PALM: variants seen among roughly 807,000 people sequenced by gnomAD.
PALM encodes paralemmin-1.
PALM carries 18 observed loss-of-function variants against 30.7 expected under a neutral mutation model. The ratio of observed to expected loss-of-function variants is 0.59; its 90% CI spans 0.41 to 0.87. The LOEUF (loss-of-function observed/expected upper bound fraction) is 0.87, where lower values mean the gene tolerates loss of function less well. PALM is among the 40% of genes least tolerant of loss of function. The pLI is 0.00. For synonymous variants in PALM, 286 were observed against 242.8 expected, an observed-to-expected ratio of 1.18 and a Z score of -1.66; for missense variants, 529 against 555.4, an observed-to-expected ratio of 0.95 and a Z score of 0.48.
chr19:739,481 A>G (rs1375561558), intron 7 of PALM, among the ~76,000 whole-genome samples: 1 of 152,036 alleles, frequency 6.6e-6, no homozygotes, highest in East Asian at 1.9e-4. Context: ...GGAGTTTGAG[A>G]CCAGCCTGGG....
intron 3 of PALM, 144 bp downstream of exon 3, chr19:727,232 G>T: frequency 2.3e-6 from 1 of 433,354 alleles, no homozygotes; most frequent in East Asian, 3.7e-5. Context: ...CCCCGACCCT[G>T]ACCCCGACCC....
chr19:709,625 G>A lies in PALM; in HGVS notation c.5+474G>A, dbSNP rs2032004175. Reference sequence around the variant, plus strand: ...GGCGCCCTGGACGCGCGCGCGGGCCGGTGCCCCCCACCCCCGCCCTTCCCA... The same window carrying A: ...GGCGCCCTGGACGCGCGCGCGGGCCAGTGCCCCCCACCCCCGCCCTTCCCA... On this transcript the variant is annotated intron_variant, in intron 1 of 8. Transcript: ENST00000338448. The surrounding 1 kb of genome is among the most constrained non-coding windows in gnomAD (Gnocchi z 4.3). Among the ~76,000 whole-genome samples, 1 of 151,682 alleles carries A rather than the reference G, an allele frequency of 6.6e-6. No individual in the cohort carries two copies. Among genetic ancestry groups the A allele is most frequent in the African/African-American group, 2.4e-5 (1 of 41,314 alleles).
At chr19:716,241 C>T (rs2032250619) in intron 1 of PALM, among the ~76,000 whole-genome samples, 2 of 151,946 alleles carry the variant, frequency 1.3e-5, no homozygotes, top group African/African-American at 2.4e-5. Flanking sequence ...GTGAAACCCC[C>T]GTCTCTACCA....
intron 1 of PALM, among the ~76,000 whole-genome samples, chr19:720,141 C>T (rs1247672142): frequency 6.6e-6 from 1 of 151,698 alleles, no homozygotes; most frequent in Non-Finnish European, 1.5e-5. Context: ...GCCCCAGGCC[C>T]GAAGCCTCGG....
chr19:737,892 G>A (rs1276149820), intron 7 of PALM, among the ~76,000 whole-genome samples: 1 of 152,168 alleles, frequency 6.6e-6, no homozygotes, highest in Admixed American at 6.5e-5. Flanking sequence ...ACCATGGGGG[G>A]CTGCAGGCAA....
At chr19:719,128 G>C (rs1016575942) in intron 1 of PALM, 68 of 985,120 alleles carry the variant, frequency 6.9e-5, no homozygotes, top group Non-Finnish European at 8.0e-5. Context: ...TGCCCGGGCA[G>C]GGACCCCCTC....
intron 1 of PALM, chr19:719,193 C>A: frequency 2.0e-6 from 2 of 985,468 alleles, no homozygotes; most frequent in Non-Finnish European, 2.4e-6. Flanking sequence ...GCGACGCCCC[C>A]ATCCCACACA....
At chr19:718,744 G>T (rs991990928) in intron 1 of PALM, among the ~76,000 whole-genome samples, 7 of 149,592 alleles carry the variant, frequency 4.7e-5, no homozygotes, top group African/African-American at 1.5e-4. Flanking sequence ...CTTCCTGGAA[G>T]GCTGCCTGGA....
chr19:712,340 T>A (rs11085183), intron 1 of PALM, among the ~76,000 whole-genome samples: 1 of 151,578 alleles, frequency 6.6e-6, no homozygotes, highest in East Asian at 1.9e-4. Flanking sequence ...GCCTTTTCCA[T>A]GGCCCTGTTC....
At chr19:725,595 G>A (rs376536131) in intron 1 of PALM, among the ~76,000 whole-genome samples, 196 of 152,256 alleles carry the variant, frequency 1.3e-3, no homozygotes, top group African/African-American at 4.5e-3. Context: ...GGATAAGAGC[G>A]AGTCTGGGGT....
In PALM at chr19:747,032, G is replaced by T. The variant is rs2033369744; in HGVS notation, c.*218G>T. The T allele has an allele frequency of 3.5e-6, 2 of 567,136 alleles. No homozygotes were observed. The highest frequency in any genetic ancestry group is 6.3e-6 in the Non-Finnish European group (2 of 318,492). 35.1% of individuals were successfully genotyped at this position (567,136 alleles called of 1,614,324 possible). A position where few individuals can be genotyped will look rare whatever the true frequency, so the allele number is the denominator to read the frequency against. ...CCCCCCGAACCAGAGCCGTGCACTTGTGCCTGGTAGGAGAGAGACAGGACA... is the reference window on the plus strand; with the variant it reads ...CCCCCCGAACCAGAGCCGTGCACTTTTGCCTGGTAGGAGAGAGACAGGACA... On this transcript the variant is annotated 3_prime_UTR_variant, in exon 9 of 9. Transcript: ENST00000338448.
At chr19:718,776 G>A (rs1002324806) in intron 1 of PALM, among the ~76,000 whole-genome samples, 2 of 152,068 alleles carry the variant, frequency 1.3e-5, no homozygotes, top group African/African-American at 4.8e-5. Context: ...TGCTTGAGCT[G>A]ATCTTGGCGG....
rs1445440676 is a variant in PALM, at chr19:709,951, G to A, written c.5+800G>A. Among the ~76,000 whole-genome samples, 3 of 152,110 alleles carry A rather than the reference G, an allele frequency of 2.0e-5. No individual in the cohort carries two copies. The highest frequency in any genetic ancestry group is 7.2e-5 in the African/African-American group (3 of 41,430). On this transcript the variant is annotated intron_variant, in intron 1 of 8. Coordinates refer to ENST00000338448, the MANE Select transcript of PALM (RefSeq NM_002579.3). This position sits in a 1 kb window ranked among gnomAD's most constrained non-coding sequence, Gnocchi z 4.3. Reference sequence around the variant, plus strand: ...CAGTGGAGGCACCGAGCGAGGGCGCGTGGTCATTTCGGACACCGGTCCCCT... The same window carrying A: ...CAGTGGAGGCACCGAGCGAGGGCGCATGGTCATTTCGGACACCGGTCCCCT...
chr19:714,975 T>G (rs2032210039), intron 1 of PALM, among the ~76,000 whole-genome samples: 1 of 152,076 alleles, frequency 6.6e-6, no homozygotes, highest in Non-Finnish European at 1.5e-5. Context: ...TTTAAAAGCA[T>G]CATATGGGCC....
chr19:715,475 C>T (rs964592471), intron 1 of PALM, among the ~76,000 whole-genome samples: 3 of 152,182 alleles, frequency 2.0e-5, no homozygotes, highest in Non-Finnish European at 2.9e-5. Context: ...CTCATCCAGT[C>T]CATCATGAAC....
intron 1 of PALM, among the ~76,000 whole-genome samples, chr19:718,153 G>A (rs2144854236): frequency 6.6e-6 from 1 of 152,320 alleles, no homozygotes; most frequent in East Asian, 1.9e-4. Flanking sequence ...CCGCACTCCA[G>A]CCTGGGCAAC....
At chr19:727,789 C>T (rs1320950271) in intron 4 of PALM, 95 bp downstream of exon 4, 19 of 1,193,798 alleles carry the variant, frequency 1.6e-5, no homozygotes, top group Non-Finnish European at 2.2e-5. Context: ...CGTCAGTGTG[C>T]TTTGAGGGAG....
chr19:711,029 A>T (rs538914692), intron 1 of PALM, among the ~76,000 whole-genome samples: 1 of 152,376 alleles, frequency 6.6e-6, no homozygotes, highest in African/African-American at 2.4e-5. Context: ...AGTCGAAGAC[A>T]CGGGAGCTGG....
chr19:746,597 A>T lies in PALM; in HGVS notation c.947A>T (p.Lys316Met). The T allele has an allele frequency of 1.9e-6, 3 of 1,613,288 alleles. No homozygotes were observed. The highest frequency in any genetic ancestry group is 2.5e-6 in the Non-Finnish European group (3 of 1,179,846). The stretch of plus-strand genomic sequence containing the variant: ...GTGGAGGATGAGGCCGAGACCAAGA[A>T]GGTGCTGGGCCTTCAAGATACCATC... Reference protein sequence around the residue: ...QNVEDEAETKKVLGLQDTITA... With the variant: ...QNVEDEAETKMVLGLQDTITA... The change falls in exon 9 of 9, where the codon AAG (lysine) becomes ATG (methionine). Residue 316 changes from lysine (K) to methionine (M), a missense_variant. Coordinates refer to ENST00000338448, the MANE Select transcript of PALM (RefSeq NM_002579.3). This position sits in a 1 kb window ranked among gnomAD's most constrained non-coding sequence, Gnocchi z 7.1.
Sources: allele counts gnomAD v4.1 joint callset (sites outside exome capture counted in the v4.1 genomes callset), GRCh38; gene constraint gnomAD v4.1.1; non-coding constraint Gnocchi (gnomAD v3.1); transcripts MANE v1.5; gene names NCBI Gene and HGNC (gene_info 2026-07-23, HGNC 2026-07-21).